Variants in C10orf90 observed in about 807,000 individuals in gnomAD.
The protein encoded by C10orf90 is (E2-independent) E3 ubiquitin-conjugating enzyme FATS.
Under a neutral mutation model 62.5 loss-of-function variants are expected in C10orf90, and 56 were observed. The ratio of observed to expected loss-of-function variants is 0.90; its 90% CI spans 0.72 to 1.12. The LOEUF is 1.12. C10orf90 is among the 50% of genes most tolerant of loss of function. C10orf90 has a pLI of 0.00. For synonymous variants in C10orf90, 386 were observed against 340.4 expected (o/e 1.13, Z -1.47); for missense variants, 970 against 880.4 (o/e 1.10, Z -1.29).
At chr10:126,650,460 A>T (rs573044440) in intron 1 of C10orf90, among the ~76,000 whole-genome samples, 1 of 152,336 alleles carries the variant, frequency 6.6e-6, no homozygotes, top group South Asian at 2.1e-4. Flanking sequence ...CAACTCTGTC[A>T]CAGAGGCGTG....
At chr10:126,644,701 T>A (rs2133849052) in intron 2 of C10orf90, among the ~76,000 whole-genome samples, 1 of 152,326 alleles carries the variant, frequency 6.6e-6, no homozygotes, top group African/African-American at 2.4e-5. Context: ...CCAGTAGGCA[T>A]CCACTGTGGA....
intron 2 of C10orf90, among the ~76,000 whole-genome samples, chr10:126,549,348 A>G (rs1864575250): frequency 6.6e-6 from 1 of 152,238 alleles, no homozygotes; most frequent in South Asian, 2.1e-4. Context: ...GAAAATGGAC[A>G]AAAGACATAA....
intron 7 of C10orf90, among the ~76,000 whole-genome samples, chr10:126,454,599 G>T (rs1048640402): frequency 2.0e-5 from 3 of 151,804 alleles, no homozygotes; most frequent in Admixed American, 2.0e-4. Flanking sequence ...CTACCTGCAG[G>T]GGCTGTACCC....
At chr10:126,465,832 G>T (rs1023512582) in intron 4 of C10orf90, among the ~76,000 whole-genome samples, 1 of 152,182 alleles carries the variant, frequency 6.6e-6, no homozygotes, top group Non-Finnish European at 1.5e-5. Flanking sequence ...TTGTGTGGAT[G>T]TGGGTTAATC....
At chr10:126,624,114 G>A (rs1332017630) in intron 2 of C10orf90, among the ~76,000 whole-genome samples, 1 of 152,116 alleles carries the variant, frequency 6.6e-6, no homozygotes, top group Non-Finnish European at 1.5e-5. Flanking sequence ...TTGGGAGGCT[G>A]AGGCAGGCAG....
At chr10:126,536,185 C>A (rs1345224342) in intron 2 of C10orf90, among the ~76,000 whole-genome samples, 1 of 152,194 alleles carries the variant, frequency 6.6e-6, no homozygotes, top group Non-Finnish European at 1.5e-5. Flanking sequence ...GCCCGCCCAA[C>A]CCCCTCCACA....
rs75073749 is a variant in C10orf90 at position 126,507,068 on chromosome 10, A to G, written c.406-1983T>C. ...TATATGTGGGTTTTTTAAAAAAAGG[A>G]TACATGGGGCTGGGTGCGGTGGCTC... On this transcript the variant is annotated intron_variant, in intron 3 of 9. Coordinates refer to ENST00000488181, the MANE Select transcript of C10orf90 (RefSeq NM_001350921.2). Among the ~76,000 whole-genome samples the G allele has an allele frequency of 7.5e-4, 114 of 152,140 alleles. 1 individual carries two copies. In the East Asian group the frequency reaches 0.016, roughly 21 times the overall value.
rs1859624670 is a variant in C10orf90 at position 126,456,948 on chromosome 10, A to G, written c.2188+2092T>C. On this transcript the variant is annotated intron_variant, in intron 7 of 9. Coordinates refer to ENST00000488181, the MANE Select transcript of C10orf90 (RefSeq NM_001350921.2). The surrounding 1 kb of genome is among the most constrained non-coding windows in gnomAD (Gnocchi z 4.9). Reference sequence around the variant, plus strand: ...GACTTCTGGCCTCTAGAACTGCAAGAAAGTAAGTTTCTGGGCTTGTTTTGT... The same window carrying G: ...GACTTCTGGCCTCTAGAACTGCAAGGAAGTAAGTTTCTGGGCTTGTTTTGT... Among the ~76,000 whole-genome samples the G allele has an allele frequency of 6.6e-6, 1 of 152,172 alleles. No homozygotes were observed. The highest frequency in any genetic ancestry group is 1.5e-5 in the Non-Finnish European group (1 of 68,036).
intron 2 of C10orf90, among the ~76,000 whole-genome samples, chr10:126,636,265 C>A (rs915841786): frequency 2.6e-5 from 4 of 152,178 alleles, no homozygotes; most frequent in Non-Finnish European, 5.9e-5. Context: ...ACACGTGTTA[C>A]AAGCTGTGTC....
intron 2 of C10orf90, among the ~76,000 whole-genome samples, chr10:126,565,376 A>T (rs1844351236): frequency 2.6e-5 from 1 of 37,894 alleles, no homozygotes; most frequent in Admixed American, 4.5e-4. Flanking sequence ...ATTTTATATA[A>T]TAATATATAT....
At chr10:126,608,212 G>A (rs779245633) in intron 2 of C10orf90, among the ~76,000 whole-genome samples, 1 of 152,138 alleles carries the variant, frequency 6.6e-6, no homozygotes, top group Non-Finnish European at 1.5e-5. Flanking sequence ...GGGCTCAAGC[G>A]ATCCTCCGAT....
intron 3 of C10orf90, 64 bp from the exon 4 acceptor site, chr10:126,505,149 T>C (rs1862657619): frequency 6.7e-7 from 1 of 1,500,326 alleles, no homozygotes; most frequent in African/African-American, 1.4e-5. Flanking sequence ...GTAAACTCTC[T>C]TTCAAGGGCC....
chr10:126,527,488 G>T (rs1273834924), intron 2 of C10orf90, among the ~76,000 whole-genome samples: 1 of 152,196 alleles, frequency 6.6e-6, no homozygotes, highest in East Asian at 1.9e-4. Flanking sequence ...AAGAAGCAGT[G>T]ACGATTCTCA....
At chr10:126,615,421 C>T (rs1051599718) in intron 2 of C10orf90, among the ~76,000 whole-genome samples, 1 of 152,146 alleles carries the variant, frequency 6.6e-6, no homozygotes, top group Non-Finnish European at 1.5e-5. Context: ...GAATAGGTAT[C>T]TTACACCAAG....
chr10:126,623,266 C>A (rs747127480), intron 2 of C10orf90, among the ~76,000 whole-genome samples: 1 of 152,152 alleles, frequency 6.6e-6, no homozygotes, highest in Admixed American at 6.5e-5. Flanking sequence ...CCCACTACCC[C>A]TCTTGTTCAT....
At position 126,646,630 on chromosome 10, in the gene C10orf90, C is replaced by A; in HGVS notation, c.248G>T (p.Ser83Ile). 1 of 442,024 alleles carries A rather than the reference C, an allele frequency of 2.3e-6. No individual in the cohort carries two copies. Among genetic ancestry groups the A allele is most frequent in the Non-Finnish European group, 4.5e-6 (1 of 222,062 alleles). The allele number at this position is 442,024 out of a possible 1,614,324, so 27.4% of individuals were successfully genotyped here. A position where few individuals can be genotyped will look rare whatever the true frequency, so the allele number is the denominator to read the frequency against. Reference sequence around the variant, plus strand: ...ATCTTTGGGGGATGAGAAGAGTCGACTGTGGATCTAGAAAACAAACAGAAA... The same window carrying A: ...ATCTTTGGGGGATGAGAAGAGTCGAATGTGGATCTAGAAAACAAACAGAAA... ...EQTASRYEIHSRLFSSPKDHS... is the reference protein window; with the variant it reads ...EQTASRYEIHIRLFSSPKDHS... Residue 83 changes from serine to isoleucine, a missense_variant, in exon 2 of 10, where the codon AGT (serine) becomes ATT (isoleucine). Ser to Ile is a moderately radical substitution (Grantham distance 142, BLOSUM62 -2). Coordinates refer to ENST00000488181, the MANE Select transcript of C10orf90 (RefSeq NM_001350921.2).
intron 2 of C10orf90, among the ~76,000 whole-genome samples, chr10:126,596,540 C>T (rs1043415945): frequency 6.6e-6 from 1 of 152,114 alleles, no homozygotes; most frequent in African/African-American, 2.4e-5. Flanking sequence ...TATTCTAAGT[C>T]AAAAATGCAT....
chr10:126,544,546 T>A (rs1263003344), intron 2 of C10orf90, among the ~76,000 whole-genome samples: 1 of 148,738 alleles, frequency 6.7e-6, no homozygotes, highest in Non-Finnish European at 1.5e-5. Flanking sequence ...TGTGAGAGGT[T>A]TTTTTTTTTC....
At chr10:126,530,033 A>G (rs1005756859) in intron 2 of C10orf90, among the ~76,000 whole-genome samples, 1 of 152,202 alleles carries the variant, frequency 6.6e-6, no homozygotes, top group Non-Finnish European at 1.5e-5. Flanking sequence ...TATCTACATT[A>G]AAAAACCTCT....
Sources: allele counts gnomAD v4.1 joint callset (sites outside exome capture counted in the v4.1 genomes callset), GRCh38; gene constraint gnomAD v4.1.1; non-coding constraint Gnocchi (gnomAD v3.1); transcripts MANE v1.5; gene names NCBI Gene and HGNC (gene_info 2026-07-23, HGNC 2026-07-21).